EXOSC5: variants seen among roughly 807,000 people sequenced by gnomAD.
EXOSC5 encodes exosome component 5.
A neutral mutation model predicts 23.7 loss-of-function variants in EXOSC5; 15 were observed. The ratio of observed to expected loss-of-function variants is 0.63; its 90% confidence interval spans 0.42 to 0.97. The LOEUF is 0.97. Ranked by LOEUF, EXOSC5 falls within the 50% of genes least tolerant of loss-of-function variation. The pLI is 0.00. For synonymous variants in EXOSC5, 143 were observed against 140.9 expected, an observed-to-expected ratio of 1.02 and a Z score of -0.11; for missense variants, 305 against 316.3, an observed-to-expected ratio of 0.96 and a Z score of 0.27.
intron 1 of EXOSC5, 79 bp downstream of exon 1, chr19:41,397,102 T>G: frequency 6.7e-7 from 1 of 1,484,814 alleles, no homozygotes; most frequent in Non-Finnish European, 9.2e-7. Context: ...TACCAGCTGG[T>G]ATCGTGAGGA....
chr19:41,397,077 C>G, intron 1 of EXOSC5, 104 bp downstream of exon 1: 2 of 1,348,546 alleles, frequency 1.5e-6, no homozygotes, highest in South Asian at 2.8e-5. Flanking sequence ...CATGCATCAA[C>G]GCAGGAGTGA....
intron 1 of EXOSC5, among the ~76,000 whole-genome samples, chr19:41,393,655 G>A (rs1450245610): frequency 6.6e-6 from 1 of 151,940 alleles, no homozygotes; most frequent in Non-Finnish European, 1.5e-5. Flanking sequence ...TGCCTCCCGG[G>A]TTCAAGCAGT....
intron 4 of EXOSC5, among the ~76,000 whole-genome samples, chr19:41,389,195 C>G (rs1405107339): frequency 6.6e-6 from 1 of 152,202 alleles, no homozygotes; most frequent in Non-Finnish European, 1.5e-5. Flanking sequence ...ATCTGCCTGC[C>G]TCAGACTCCC....
At chr19:41,396,138 A>C (rs2039061057) in intron 1 of EXOSC5, among the ~76,000 whole-genome samples, 1 of 151,864 alleles carries the variant, frequency 6.6e-6, no homozygotes, top group Admixed American at 6.6e-5. Context: ...TACCTGTATG[A>C]GCACTTTGGG....
intron 4 of EXOSC5, among the ~76,000 whole-genome samples, chr19:41,388,135 T>A (rs2038998173): frequency 6.6e-6 from 1 of 152,226 alleles, no homozygotes. Context: ...TGCCTTTCCT[T>A]TGTAGAACTG....
chr19:41,391,185 C>CA (rs2039020399), intron 3 of EXOSC5, among the ~76,000 whole-genome samples: 1 of 152,122 alleles, frequency 6.6e-6, no homozygotes, highest in Admixed American at 6.6e-5. Context: ...GCCAACACAG[C>CA]AAAACCCCGT....
chr19:41,389,125 T>C (rs1244521753), intron 4 of EXOSC5, among the ~76,000 whole-genome samples: 2 of 151,778 alleles, frequency 1.3e-5, no homozygotes. Flanking sequence ...TTTGTATTTT[T>C]AGTAGAGACA....
intron 4 of EXOSC5, among the ~76,000 whole-genome samples, chr19:41,389,278 T>G (rs141614855): frequency 5.0e-4 from 76 of 150,852 alleles, no homozygotes; most frequent in Non-Finnish European, 8.1e-4. Context: ...TTATTTATAT[T>G]TTTTGAGATG....
intron 3 of EXOSC5, among the ~76,000 whole-genome samples, chr19:41,390,879 ATCCATAAAATGTCTG>A (rs2039018452): frequency 6.6e-6 from 1 of 152,164 alleles, no homozygotes; most frequent in African/African-American, 2.4e-5. Flanking sequence ...CTCTCTGCCC[ATCCATAAAATGTCTG>A]TCCAGTTCAG....
chr19:41,395,658 A>T (rs755741302), intron 1 of EXOSC5, among the ~76,000 whole-genome samples: 130 of 152,124 alleles, frequency 8.5e-4, no homozygotes, highest in Non-Finnish European at 1.4e-3. Context: ...CCAGGTCACC[A>T]CCATCTCCTG....
At chr19:41,395,775 TTC>T (rs2039057490) in intron 1 of EXOSC5, among the ~76,000 whole-genome samples, 1 of 151,810 alleles carries the variant, frequency 6.6e-6, no homozygotes, top group African/African-American at 2.4e-5. Flanking sequence ...CTGGGACCTC[TTC>T]TCTTTTCCAT....
intron 1 of EXOSC5, among the ~76,000 whole-genome samples, chr19:41,395,647 C>T (rs531625373): frequency 2.6e-4 from 39 of 152,142 alleles, no homozygotes; most frequent in Non-Finnish European, 5.3e-4. Context: ...TTTTCTTGGC[C>T]CCAGGTCACC....
intron 1 of EXOSC5, among the ~76,000 whole-genome samples, chr19:41,395,185 G>A (rs1304841407): frequency 6.6e-6 from 1 of 152,180 alleles, no homozygotes; most frequent in East Asian, 1.9e-4. Flanking sequence ...TAAGCGCTAA[G>A]CCTGAGGGAG....
At chr19:41,387,097 G>A (rs913887153) in intron 5 of EXOSC5, among the ~76,000 whole-genome samples, 1 of 152,106 alleles carries the variant, frequency 6.6e-6, no homozygotes, top group African/African-American at 2.4e-5. Context: ...TAATCTAAGA[G>A]CCATGGAATC....
intron 1 of EXOSC5, among the ~76,000 whole-genome samples, 186 bp from the exon 2 acceptor site, chr19:41,393,166 C>T (rs886174852): frequency 2.0e-5 from 3 of 152,244 alleles, no homozygotes; most frequent in African/African-American, 7.2e-5. Flanking sequence ...TCCCCGCTAG[C>T]GTCTTGTGAG....
intron 3 of EXOSC5, chr19:41,391,426 G>C (rs1258919643): frequency 5.6e-5 from 10 of 177,848 alleles, no homozygotes; most frequent in South Asian, 3.8e-4. Flanking sequence ...TCTGGAGTCA[G>C]ACTGGCCTGG....
At position 41,389,863 on chromosome 19, in the gene EXOSC5, C is replaced by CCACCAA; in HGVS notation, c.421_426dup (p.Leu141_Val142dup). Reference sequence around the variant, plus strand: ...AGAGCCCGCATGGGCACACCTGCATCCACCAATGCCATGCAGGCGGCATTC... The same window carrying CCACCAA: ...AGAGCCCGCATGGGCACACCTGCATCCACCAACACCAATGCCATGCAGGCGGCATTC... On this transcript the variant is annotated inframe_insertion, in exon 4 of 6. Coordinates refer to ENST00000221233, the MANE Select transcript of EXOSC5 (RefSeq NM_020158.4). 1 of 1,613,736 alleles carries CCACCAA rather than the reference C, an allele frequency of 6.2e-7. No individual in the cohort carries two copies. Among genetic ancestry groups the CCACCAA allele is most frequent in the Non-Finnish European group, 8.5e-7 (1 of 1,179,816 alleles).
At position 41,387,445 on chromosome 19, in the gene EXOSC5, A is replaced by G. The variant is rs887973062; in HGVS notation, c.615+69T>C. On this transcript the variant is annotated intron_variant, in intron 5 of 5. Coordinates refer to ENST00000221233, the MANE Select transcript of EXOSC5 (RefSeq NM_020158.4). ...TGAAGCCTCTCAGAATCCAGGGCAG[A>G]GTTGGGACAAGACCGTATGTCAGTG... The G allele has an allele frequency of 4.0e-5, 51 of 1,263,990 alleles. 1 individual carries two copies. The highest frequency in any genetic ancestry group is 4.9e-5 in the Non-Finnish European group (45 of 924,804). The allele number at this position is 1,263,990 out of a possible 1,614,324, so 78.3% of individuals were successfully genotyped here.
At chr19:41,395,777 C>T (rs1166953911) in intron 1 of EXOSC5, among the ~76,000 whole-genome samples, 1 of 151,592 alleles carries the variant, frequency 6.6e-6, no homozygotes, top group Non-Finnish European at 1.5e-5. Context: ...GGGACCTCTT[C>T]TCTTTTCCAT....
Sources: allele counts gnomAD v4.1 joint callset (sites outside exome capture counted in the v4.1 genomes callset), GRCh38; gene constraint gnomAD v4.1.1; transcripts MANE v1.5; gene names NCBI Gene and HGNC (gene_info 2026-07-23, HGNC 2026-07-21).